The following ITPR2 variants were observed in gnomAD, a reference collection of about 807,000 sequenced individuals.
ITPR2 encodes inositol 1,4,5-trisphosphate-gated calcium channel ITPR2.
Under a neutral mutation model 317.1 loss-of-function variants are expected in ITPR2, and 207 were observed. The observed-to-expected ratio is 0.65, with a 90% confidence interval of 0.58 to 0.73. The LOEUF is 0.73. Ranked by LOEUF, ITPR2 falls within the 30% of genes least tolerant of loss-of-function variation. The probability of loss-of-function intolerance (pLI) is 0.00; values close to 1 mark genes in which losing one functional copy is unlikely to be tolerated. For missense variants in ITPR2, 2,613 were observed against 3,284.0 expected, an observed-to-expected ratio of 0.80 and a Z score of 4.99; for synonymous variants, 1,156 against 1,149.1, an observed-to-expected ratio of 1.01 and a Z score of -0.12.
intron 2 of ITPR2, among the ~76,000 whole-genome samples, chr12:26,757,559 A>C (rs144461692): frequency 6.6e-6 from 1 of 152,068 alleles, no homozygotes; most frequent in African/African-American, 2.4e-5. Context: ...ACTTTACTCT[A>C]TGGGCTCACC....
intron 36 of ITPR2, among the ~76,000 whole-genome samples, chr12:26,555,479 G>A (rs544438718): frequency 3.2e-4 from 48 of 152,030 alleles, no homozygotes; most frequent in Non-Finnish European, 5.7e-4. Context: ...CCTCAATAAC[G>A]TGCCCTCCAC....
At chr12:26,508,301 C>T (rs1051971748) in intron 37 of ITPR2, among the ~76,000 whole-genome samples, 3 of 152,132 alleles carry the variant, frequency 2.0e-5, no homozygotes, top group African/African-American at 7.2e-5. Flanking sequence ...TTTAATCTGG[C>T]ATTGTATCAA....
chr12:26,716,115 A>G (rs1455595605), intron 6 of ITPR2, 29 bp downstream of exon 6: 2 of 1,377,712 alleles, frequency 1.5e-6, no homozygotes, highest in Admixed American at 1.8e-5. Context: ...AAAAATGAAC[A>G]CATTCATTCC....
At chr12:26,687,199 G>A (rs1321493776) in intron 10 of ITPR2, among the ~76,000 whole-genome samples, 1 of 152,142 alleles carries the variant, frequency 6.6e-6, no homozygotes, top group East Asian at 1.9e-4. Context: ...ATAGTGATGT[G>A]GAACTTGGTC....
chr12:26,487,760 G>A (rs1229734640), intron 39 of ITPR2, among the ~76,000 whole-genome samples: 1 of 152,180 alleles, frequency 6.6e-6, no homozygotes, highest in Non-Finnish European at 1.5e-5. Context: ...TTTATGGAAA[G>A]TTACAAAGGA....
chr12:26,734,243 CT>C (rs1949077558), intron 2 of ITPR2, among the ~76,000 whole-genome samples: 1 of 152,170 alleles, frequency 6.6e-6, no homozygotes. Context: ...CAAAGCCCAT[CT>C]TCATAATTCA....
intron 2 of ITPR2, among the ~76,000 whole-genome samples, chr12:26,754,442 G>A (rs923729983): frequency 4.6e-5 from 7 of 152,294 alleles, no homozygotes; most frequent in Admixed American, 1.3e-4. Context: ...TTAAAATCCC[G>A]AACTTACCAA....
intron 37 of ITPR2, among the ~76,000 whole-genome samples, chr12:26,497,836 G>A (rs1027555499): frequency 9.3e-5 from 14 of 151,248 alleles, no homozygotes; most frequent in African/African-American, 3.4e-4. Context: ...TCAGCCTCCC[G>A]AGTAGCTGGG....
At chr12:26,700,600 G>C (rs1948427081) in intron 9 of ITPR2, among the ~76,000 whole-genome samples, 1 of 152,186 alleles carries the variant, frequency 6.6e-6, no homozygotes, top group African/African-American at 2.4e-5. Flanking sequence ...GTAGCACGCT[G>C]CTTCCCTCCT....
At chr12:26,379,831 G>A (rs184292288) in intron 55 of ITPR2, among the ~76,000 whole-genome samples, 19 of 152,292 alleles carry the variant, frequency 1.2e-4, no homozygotes, top group African/African-American at 4.6e-4. Context: ...TCTTGTAAAT[G>A]GAAATCCTAA....
intron 2 of ITPR2, among the ~76,000 whole-genome samples, chr12:26,726,407 A>T (rs1416147643): frequency 6.6e-6 from 1 of 152,198 alleles, no homozygotes; most frequent in African/African-American, 2.4e-5. Context: ...CAAGAAGCAA[A>T]ATATACGTTT....
rs555475314 is a variant in ITPR2, at chr12:26,398,809, C to T, written c.7696+67G>A. The T allele has an allele frequency of 7.5e-6, 10 of 1,328,266 alleles. No homozygotes were observed. The South Asian group carries it at 1.3e-4, about 17-fold the overall frequency. 82.3% of individuals were successfully genotyped at this position (1,328,266 alleles called of 1,614,324 possible). On this transcript the variant is annotated intron_variant, in intron 54 of 56. Transcript: ENST00000381340. ...TTCCGAAAGCATGAAAAATAAAAAT[C>T]CCTCTAGCCCCTCTTTCCTGCAAAC...
At chr12:26,756,897 A>T (rs1949531939) in intron 2 of ITPR2, among the ~76,000 whole-genome samples, 2 of 152,318 alleles carry the variant, frequency 1.3e-5, no homozygotes, top group African/African-American at 4.8e-5. Context: ...ATTCTAAATC[A>T]CAGGATGAGA....
chr12:26,514,060 G>A (rs990519443), intron 37 of ITPR2, among the ~76,000 whole-genome samples: 6 of 152,176 alleles, frequency 3.9e-5, no homozygotes, highest in Non-Finnish European at 8.8e-5. Context: ...TAAGAACAAT[G>A]TGATACTTAT....
At chr12:26,758,404 G>T (rs1949566172) in intron 2 of ITPR2, among the ~76,000 whole-genome samples, 1 of 151,868 alleles carries the variant, frequency 6.6e-6, no homozygotes, top group Admixed American at 6.6e-5. Context: ...CCTTACAATT[G>T]GCCCTTGATT....
chr12:26,551,657 G>T (rs1334275388), intron 36 of ITPR2, among the ~76,000 whole-genome samples: 2 of 152,190 alleles, frequency 1.3e-5, no homozygotes, highest in Non-Finnish European at 2.9e-5. Flanking sequence ...ACCTAGGGCT[G>T]ATCAGAGAAG....
intron 37 of ITPR2, among the ~76,000 whole-genome samples, chr12:26,527,080 T>C (rs1038634310): frequency 6.6e-6 from 1 of 152,228 alleles, no homozygotes; most frequent in African/African-American, 2.4e-5. Context: ...TTAAGCTTTA[T>C]GAACAATTCC....
At chr12:26,697,819 T>G (rs1051927197) in intron 9 of ITPR2, among the ~76,000 whole-genome samples, 1 of 150,644 alleles carries the variant, frequency 6.6e-6, no homozygotes, top group East Asian at 1.9e-4. Context: ...TAATAATATA[T>G]AAATACTAAA....
At chr12:26,392,885 G>A (rs12229047) in intron 54 of ITPR2, among the ~76,000 whole-genome samples, 11,263 of 152,130 alleles carry the variant, frequency 0.074, 566 homozygotes, top group Non-Finnish European at 0.11. Context: ...CTGGTCTTTC[G>A]ACATCTCTTT....
Sources: allele counts gnomAD v4.1 joint callset (sites outside exome capture counted in the v4.1 genomes callset), GRCh38; gene constraint gnomAD v4.1.1; transcripts MANE v1.5; gene names NCBI Gene and HGNC (gene_info 2026-07-23, HGNC 2026-07-21).